The following CNTNAP2 variants were observed in gnomAD, a reference collection of about 807,000 sequenced individuals.
CNTNAP2 encodes contactin associated protein 2, also known as contactin-associated protein-like 2.
CNTNAP2 carries 98 observed loss-of-function variants against 155.2 expected under a neutral mutation model. That is an observed-to-expected ratio of 0.63 (90% CI 0.54 to 0.75). The LOEUF (loss-of-function observed/expected upper bound fraction) is 0.75, where lower values mean the gene tolerates loss of function less well. Ranked by LOEUF, CNTNAP2 falls within the 30% of genes least tolerant of loss-of-function variation. CNTNAP2 has a pLI of 0.00. For synonymous variants in CNTNAP2, 651 were observed against 631.2 expected (o/e 1.03, Z -0.47); for missense variants, 1,727 against 1,688.1 (o/e 1.02, Z -0.40).
At position 147,575,107 on chromosome 7, in the gene CNTNAP2, A is replaced by ATGTGTGTG. The variant is rs754922892; in HGVS notation, c.1897+12888_1897+12895dup. On this transcript the variant is annotated intron_variant, in intron 12 of 23. Transcript: ENST00000361727. ...CATATTCTCCCGGTCTTTGTGGGAA[A>ATGTGTGTG]TGTGTGTGTGTGTGTGTGTGTGTGT... Among the ~76,000 whole-genome samples, 116 of 94,014 alleles carry ATGTGTGTG rather than the reference A, an allele frequency of 1.2e-3. 1 individual carries two copies. Among genetic ancestry groups the ATGTGTGTG allele is most frequent in the African/African-American group, 3.9e-3 (100 of 25,456 alleles). 61.7% of individuals were successfully genotyped at this position (94,014 alleles called of 152,430 possible). A position where few individuals can be genotyped will look rare whatever the true frequency, so the allele number is the denominator to read the frequency against.
intron 1 of CNTNAP2, among the ~76,000 whole-genome samples, chr7:146,767,018 T>C (rs1174118564): frequency 6.6e-6 from 1 of 152,230 alleles, no homozygotes; most frequent in Non-Finnish European, 1.5e-5. Context: ...GTCAGATAAG[T>C]TATGTCCAAT....
At chr7:146,881,233 G>T (rs1442693586) in intron 3 of CNTNAP2, among the ~76,000 whole-genome samples, 5 of 151,970 alleles carry the variant, frequency 3.3e-5, no homozygotes, top group African/African-American at 1.2e-4. Context: ...AAACTGTATT[G>T]GTTTTCTCAA....
At chr7:146,117,752 G>T (rs914461367) in intron 1 of CNTNAP2, among the ~76,000 whole-genome samples, 6 of 152,100 alleles carry the variant, frequency 3.9e-5, no homozygotes, top group African/African-American at 1.4e-4. Flanking sequence ...ATGAGGTTTA[G>T]AAAGAAATGG....
chr7:147,943,367 T>C (rs778921679), intron 14 of CNTNAP2, among the ~76,000 whole-genome samples: 4 of 152,252 alleles, frequency 2.6e-5, no homozygotes, highest in Non-Finnish European at 4.4e-5. Flanking sequence ...ACCTTGAATT[T>C]AAACCAACAA....
chr7:147,663,968 G>A (rs1373338178), intron 13 of CNTNAP2, among the ~76,000 whole-genome samples: 1 of 152,116 alleles, frequency 6.6e-6, no homozygotes. Context: ...ACTTTGTTAA[G>A]CTCTCTGGAA....
chr7:146,753,447 T>C (rs944574822), intron 1 of CNTNAP2, among the ~76,000 whole-genome samples: 11 of 152,040 alleles, frequency 7.2e-5, no homozygotes, highest in Non-Finnish European at 1.6e-4. Flanking sequence ...TGTTGCATTA[T>C]AGAATTTAAC....
chr7:147,360,000 C>T (rs539951317), intron 9 of CNTNAP2, among the ~76,000 whole-genome samples: 11 of 151,992 alleles, frequency 7.2e-5, no homozygotes, highest in Non-Finnish European at 1.5e-4. Flanking sequence ...GTTTTTTTAA[C>T]TGCCACATCT....
At chr7:147,199,506 A>G (rs1026181966) in intron 8 of CNTNAP2, among the ~76,000 whole-genome samples, 3 of 152,142 alleles carry the variant, frequency 2.0e-5, no homozygotes, top group Non-Finnish European at 4.4e-5. Context: ...CAAACATATA[A>G]CAATCTCCTG....
At chr7:147,456,102 C>A (rs558037439) in intron 10 of CNTNAP2, among the ~76,000 whole-genome samples, 5 of 152,180 alleles carry the variant, frequency 3.3e-5, no homozygotes, top group African/African-American at 1.2e-4. Flanking sequence ...TTGTTTATAT[C>A]TTCATCAAAA....
chr7:147,141,823 G>A lies in CNTNAP2; in HGVS notation c.1348+9314G>A, dbSNP rs181176413. 1.4e-4 allele frequency among the ~76,000 whole-genome samples: 21 copies of A among 152,220 alleles called. No individual in the cohort carries two copies. The East Asian group carries it at 4.1e-3, about 29-fold the overall frequency. ...TGGGGTTCTCACAGGAGCATTTTAA[G>A]TAATCTCCCTTATGTTTCTAATTCT... On this transcript the variant is annotated intron_variant, in intron 8 of 23. Coordinates refer to ENST00000361727, the MANE Select transcript of CNTNAP2 (RefSeq NM_014141.6).
chr7:148,106,433 G>T (rs1426881436), intron 15 of CNTNAP2, among the ~76,000 whole-genome samples: 1 of 149,474 alleles, frequency 6.7e-6, no homozygotes, highest in East Asian at 1.9e-4. Flanking sequence ...ACATTTTGAA[G>T]TTGTCATTCC....
At chr7:146,627,222 T>C (rs1476365121) in intron 1 of CNTNAP2, among the ~76,000 whole-genome samples, 1 of 152,084 alleles carries the variant, frequency 6.6e-6, no homozygotes, top group Non-Finnish European at 1.5e-5. Context: ...ACCAGCCCCA[T>C]AATTCAGTCA....
chr7:146,414,740 T>C (rs1795912888), intron 1 of CNTNAP2, among the ~76,000 whole-genome samples: 1 of 152,142 alleles, frequency 6.6e-6, no homozygotes, highest in Non-Finnish European at 1.5e-5. Context: ...ATGAGCTTGC[T>C]TATGCCTGGT....
Position 146,483,278 on chromosome 7 carries a change from AAAAAATATAT to A in CNTNAP2, c.98-290991_98-290982del, listed in dbSNP as rs1225017372. On this transcript the variant is annotated intron_variant, in intron 1 of 23. Coordinates refer to ENST00000361727, the MANE Select transcript of CNTNAP2 (RefSeq NM_014141.6). ...GCAACAGAGCAAGACTCCGTCTAAAAAAAAATATATATATATATATATATATATATATATA... is the reference window on the plus strand; with the variant it reads ...GCAACAGAGCAAGACTCCGTCTAAAAATATATATATATATATATATATATA... Among the ~76,000 whole-genome samples, 22 of 57,440 alleles carry A rather than the reference AAAAAATATAT, an allele frequency of 3.8e-4. No individual in the cohort carries two copies. The Middle Eastern group carries it at 0.025, about 64-fold the overall frequency. The allele number at this position is 57,440 out of a possible 152,430, so 37.7% of individuals were successfully genotyped here.
intron 3 of CNTNAP2, among the ~76,000 whole-genome samples, chr7:146,998,625 G>A (rs1798356257): frequency 6.6e-6 from 1 of 152,028 alleles, no homozygotes; most frequent in Non-Finnish European, 1.5e-5. Flanking sequence ...TGCTGAAAGT[G>A]AGGTGATGAA....
intron 13 of CNTNAP2, among the ~76,000 whole-genome samples, chr7:147,745,743 G>A (rs534599163): frequency 3.9e-5 from 6 of 152,332 alleles, no homozygotes; most frequent in Admixed American, 6.5e-5. Flanking sequence ...AAACTTGTCT[G>A]CATAGAGGAC....
intron 1 of CNTNAP2, among the ~76,000 whole-genome samples, chr7:146,765,205 A>G (rs182749914): frequency 9.3e-4 from 142 of 152,280 alleles, no homozygotes; most frequent in Middle Eastern, 3.4e-3. Flanking sequence ...AAAAAGTCCT[A>G]AAGTCATGTA....
intron 21 of CNTNAP2, among the ~76,000 whole-genome samples, chr7:148,381,766 C>A (rs1392382903): frequency 6.6e-6 from 1 of 152,176 alleles, no homozygotes; most frequent in African/African-American, 2.4e-5. Context: ...CCTAGATTTT[C>A]TCTGCCACCT....
chr7:146,333,030 G>A lies in CNTNAP2; in HGVS notation c.97+216057G>A, dbSNP rs188341948. On this transcript the variant is annotated intron_variant, in intron 1 of 23. Coordinates refer to ENST00000361727, the MANE Select transcript of CNTNAP2 (RefSeq NM_014141.6). ...GCGATCTCGGCTTACTGCAATCTCC[G>A]CCTCCCAGGCTCAAGTGATTCTCCT... Among the ~76,000 whole-genome samples the A allele has an allele frequency of 1.7e-3, 223 of 133,794 alleles. 1 individual carries two copies. The highest frequency in any genetic ancestry group is 5.8e-3 in the African/African-American group (210 of 36,054). 87.8% of individuals were successfully genotyped at this position (133,794 alleles called of 152,430 possible). A position where few individuals can be genotyped will look rare whatever the true frequency, so the allele number is the denominator to read the frequency against.
Sources: gnomAD v4.1 joint callset for allele counts (sites outside exome capture counted in the v4.1 genomes callset) on GRCh38, gnomAD v4.1.1 for gene constraint, MANE v1.5 for transcripts, NCBI Gene and HGNC (gene_info 2026-07-23, HGNC 2026-07-21) for gene names.